RELCH: variants seen among roughly 807,000 people sequenced by gnomAD.
RELCH encodes RAB11-binding protein RELCH.
RELCH carries 41 observed loss-of-function variants against 150.3 expected under a neutral mutation model. The observed-to-expected ratio is 0.27, with a 90% CI of 0.21 to 0.35. The LOEUF (loss-of-function observed/expected upper bound fraction) is 0.35, where lower values mean the gene tolerates loss of function less well. RELCH is among the 10% of genes least tolerant of loss of function. The pLI is 1.00. For synonymous variants in RELCH, 478 were observed against 531.8 expected (o/e 0.90, Z 1.39); for missense variants, 1,092 against 1,467.8 (o/e 0.74, Z 4.18).
chr18:62,188,906 T>C (rs564719776), intron 1 of RELCH, among the ~76,000 whole-genome samples: 1 of 152,360 alleles, frequency 6.6e-6, no homozygotes, highest in East Asian at 1.9e-4. Flanking sequence ...TGTATGGAGA[T>C]GTTTTAGTAT....
At chr18:62,200,778 A>G (rs772887780) in intron 1 of RELCH, among the ~76,000 whole-genome samples, 2 of 152,020 alleles carry the variant, frequency 1.3e-5, no homozygotes, top group Non-Finnish European at 2.9e-5. Flanking sequence ...TCTGACGTTT[A>G]TAAATACAGT....
intron 2 of RELCH, among the ~76,000 whole-genome samples, chr18:62,217,297 G>A (rs56344868): frequency 0.16 from 24,692 of 151,872 alleles, 2,700 homozygotes; most frequent in Middle Eastern, 0.29. Context: ...ATGGTTTTCT[G>A]TATGATTTTT....
intron 16 of RELCH, among the ~76,000 whole-genome samples, chr18:62,262,639 T>C (rs553077669): frequency 6.6e-6 from 1 of 152,184 alleles, no homozygotes; most frequent in Non-Finnish European, 1.5e-5. Context: ...ATTCAGACTT[T>C]AGATAAGACT....
intron 15 of RELCH, 139 bp downstream of exon 15, chr18:62,258,815 TG>T: frequency 1.8e-6 from 1 of 541,846 alleles, no homozygotes; most frequent in Non-Finnish European, 3.1e-6. Context: ...AAGATGCTGT[TG>T]GACTGGAGCC....
In RELCH at chr18:62,201,669, G is replaced by A. The variant is rs963931094; in HGVS notation, c.527-9484G>A. On this transcript the variant is annotated intron_variant, in intron 1 of 28. Coordinates refer to ENST00000644646, the MANE Select transcript of RELCH (RefSeq NM_001346231.2). ...AGTCAGTTATTATTAATAATGTATT[G>A]TGGATGTTTACAAAAACATTAATGC... 2.0e-5 allele frequency among the ~76,000 whole-genome samples: 3 copies of A among 152,122 alleles called. No individual in the cohort carries two copies. The East Asian group carries it at 5.8e-4, about 29-fold the overall frequency.
Position 62,187,744 on chromosome 18 carries a change from T to C in RELCH, c.239T>C (p.Val80Ala), listed in dbSNP as rs1430580327. ...GLPGEASAAA[V>A]ALGGTGETPA... is the part of the protein sequence containing the mutation. Reference sequence around the variant, plus strand: ...CCTGGGGAGGCGTCGGCGGCTGCAGTGGCCCTGGGGGGCACCGGGGAGACC... The same window carrying C: ...CCTGGGGAGGCGTCGGCGGCTGCAGCGGCCCTGGGGGGCACCGGGGAGACC... Residue 80 changes from valine to alanine, a missense_variant, in exon 1 of 29, where the codon GTG becomes GCG. Physicochemically the swap from Val to Ala is moderately conservative, Grantham distance 64. This residue lies in a region of RELCH where 138 missense variants were observed against 124.8 expected (regional missense o/e 1.11). Transcript: ENST00000644646. 2 of 1,610,494 alleles carry C rather than the reference T, an allele frequency of 1.2e-6. No individual in the cohort carries two copies. The highest frequency in any genetic ancestry group is 1.7e-6 in the Non-Finnish European group (2 of 1,177,810).
chr18:62,189,256 T>C (rs190671976), intron 1 of RELCH, among the ~76,000 whole-genome samples: 12,324 of 137,930 alleles, frequency 0.089, 598 homozygotes, highest in Middle Eastern at 0.18. Flanking sequence ...TGGGTCTTTT[T>C]TTGTTTTTTT....
intron 20 of RELCH, chr18:62,269,341 C>CAGGTTGAGT: frequency 2.6e-6 from 1 of 381,712 alleles, no homozygotes; most frequent in Middle Eastern, 4.0e-4. Flanking sequence ...TTTAATAAGG[C>CAGGTTGAGT]AGGTTGAGTA....
At chr18:62,256,339 C>T (rs182836114) in intron 13 of RELCH, among the ~76,000 whole-genome samples, 4 of 152,142 alleles carry the variant, frequency 2.6e-5, no homozygotes, top group Non-Finnish European at 1.5e-5. Context: ...CTCCTACTAA[C>T]AGTACCTTGG....
intron 20 of RELCH, among the ~76,000 whole-genome samples, chr18:62,272,722 G>T (rs2043971587): frequency 6.6e-6 from 1 of 151,954 alleles, no homozygotes; most frequent in Non-Finnish European, 1.5e-5. Flanking sequence ...GTCCAAAAAT[G>T]ATAAATAAGA....
Position 62,231,274 on chromosome 18 carries a change from A to G in RELCH, c.1524+5A>G. 1 of 1,567,190 alleles carries G rather than the reference A, an allele frequency of 6.4e-7. No individual in the cohort carries two copies. The highest frequency in any genetic ancestry group is 8.8e-7 in the Non-Finnish European group (1 of 1,139,788). On this transcript the variant is annotated splice_donor_5th_base_variant and intron_variant, in intron 9 of 28. Coordinates refer to ENST00000644646, the MANE Select transcript of RELCH (RefSeq NM_001346231.2). ...GATAGTCGTTTAGGATACGAGGTAA[A>G]TTATACCACCTATTTCCACAACTTT...
At chr18:62,266,863 G>A (rs547049235) in intron 19 of RELCH, 114 bp downstream of exon 19, 5 of 624,020 alleles carry the variant, frequency 8.0e-6, no homozygotes, top group South Asian at 2.2e-5. Flanking sequence ...CAATTGAAAA[G>A]GAAAACTTAT....
At chr18:62,194,667 T>A (rs145794280) in intron 1 of RELCH, among the ~76,000 whole-genome samples, 3 of 152,366 alleles carry the variant, frequency 2.0e-5, no homozygotes, top group African/African-American at 7.2e-5. Flanking sequence ...CTCTATATAT[T>A]CAATTTTAGC....
chr18:62,304,297 AGC>A (rs2045790689), intron 28 of RELCH, among the ~76,000 whole-genome samples: 2 of 152,230 alleles, frequency 1.3e-5, no homozygotes, highest in Admixed American at 6.5e-5. Flanking sequence ...GAAGAGAAGC[AGC>A]AGGAAAGAGA....
Position 62,261,606 on chromosome 18 carries a change from T to C in RELCH, c.2298T>C (p.Asn766=), listed in dbSNP as rs1052800928. 1 of 1,611,586 alleles carries C rather than the reference T, an allele frequency of 6.2e-7. No individual in the cohort carries two copies. Among genetic ancestry groups the C allele is most frequent in the Non-Finnish European group, 8.5e-7 (1 of 1,178,658 alleles). Residue 766 remains asparagine, a synonymous_variant, in exon 16 of 29, where the codon AAT becomes AAC. Transcript: ENST00000644646. Reference sequence around the variant, plus strand: ...CTCTCTTTGCATTAGTGCTACAGAATGCACCTTTCTCCAGCAAAGCCAAGC... The same window carrying C: ...CTCTCTTTGCATTAGTGCTACAGAACGCACCTTTCTCCAGCAAAGCCAAGC... The part of the protein sequence containing the change: ...IPSLFALVLQ[N]APFSSKAKLH...
chr18:62,258,221 A>T, intron 14 of RELCH, 133 bp downstream of exon 14: 2 of 849,162 alleles, frequency 2.4e-6, no homozygotes, highest in Non-Finnish European at 3.6e-6. Flanking sequence ...TCATCTGGGG[A>T]TGGCTGCCTG....
intron 10 of RELCH, among the ~76,000 whole-genome samples, chr18:62,244,258 G>T (rs1014664737): frequency 1.3e-5 from 2 of 152,006 alleles, no homozygotes; most frequent in Non-Finnish European, 2.9e-5. Flanking sequence ...CTATGAAAAT[G>T]GTCTTTTTAG....
intron 12 of RELCH, among the ~76,000 whole-genome samples, chr18:62,253,137 T>C (rs1456783878): frequency 1.3e-5 from 2 of 152,032 alleles, no homozygotes; most frequent in African/African-American, 2.4e-5. Context: ...TGGGGAATGC[T>C]CTCCTATGAA....
intron 1 of RELCH, among the ~76,000 whole-genome samples, chr18:62,208,356 CAAAAAAAA>C (rs35392932): frequency 1.5e-5 from 2 of 132,528 alleles, no homozygotes. Context: ...ACTTTTAAAG[CAAAAAAAA>C]AAAAAAAAAT....
Sources: gnomAD v4.1 joint callset for allele counts (sites outside exome capture counted in the v4.1 genomes callset) on GRCh38, gnomAD v4.1.1 for gene constraint, gnomAD v4.1.1 regional missense constraint, MANE v1.5 for transcripts, NCBI Gene and HGNC (gene_info 2026-07-23, HGNC 2026-07-21) for gene names.